ULK4: variants seen among roughly 807,000 people sequenced by gnomAD.
ULK4 encodes inactive serine/threonine-protein kinase ULK4.
A neutral mutation model predicts 160.6 loss-of-function variants in ULK4; 133 were observed. The ratio of observed to expected loss-of-function variants is 0.83; its 90% CI spans 0.72 to 0.96. The LOEUF (loss-of-function observed/expected upper bound fraction) is 0.96, where lower values mean the gene tolerates loss of function less well. Ranked by LOEUF, ULK4 falls within the 40% of genes least tolerant of loss-of-function variation. The pLI is 0.00. For synonymous variants in ULK4, 534 were observed against 539.8 expected (o/e 0.99, Z 0.15); for missense variants, 1,580 against 1,499.5 (o/e 1.05, Z -0.89).
intron 32 of ULK4, among the ~76,000 whole-genome samples, chr3:41,503,334 G>A (rs963563059): frequency 1.3e-5 from 2 of 152,200 alleles, no homozygotes; most frequent in African/African-American, 4.8e-5. Context: ...ATCACTTAAG[G>A]TCTAACTGGT....
chr3:41,288,572 A>C (rs1427128463), intron 35 of ULK4, among the ~76,000 whole-genome samples: 1 of 152,248 alleles, frequency 6.6e-6, no homozygotes, highest in African/African-American at 2.4e-5. Flanking sequence ...CATGAAGATG[A>C]AAATTCAAGA....
At chr3:41,544,912 C>T (rs998166710) in intron 32 of ULK4, among the ~76,000 whole-genome samples, 3 of 152,178 alleles carry the variant, frequency 2.0e-5, no homozygotes, top group East Asian at 3.9e-4. Context: ...GGCTACCATG[C>T]AGGTATGAAA....
intron 17 of ULK4, among the ~76,000 whole-genome samples, chr3:41,862,685 G>A (rs1246077205): frequency 2.0e-5 from 3 of 152,048 alleles, no homozygotes; most frequent in Non-Finnish European, 4.4e-5. Context: ...ATGAGATCTG[G>A]AAGAATTCTC....
chr3:41,441,764 T>G (rs1193774186), intron 34 of ULK4, among the ~76,000 whole-genome samples: 2 of 152,144 alleles, frequency 1.3e-5, no homozygotes, highest in African/African-American at 4.8e-5. Context: ...TTTCATCTCT[T>G]CTATCAATTA....
intron 32 of ULK4, among the ~76,000 whole-genome samples, chr3:41,526,517 A>G (rs764834997): frequency 6.6e-6 from 1 of 152,236 alleles, no homozygotes; most frequent in Non-Finnish European, 1.5e-5. Context: ...GAAATGGTCT[A>G]TCAGCATGGT....
intron 30 of ULK4, among the ~76,000 whole-genome samples, chr3:41,641,832 TA>T (rs200237320): frequency 0.37 from 53,055 of 142,076 alleles, 12,896 homozygotes; most frequent in African/African-American, 0.7. Context: ...AAAATGCAAG[TA>T]AAAAAAAAAA....
At chr3:41,724,623 T>A (rs2037585432) in intron 22 of ULK4, among the ~76,000 whole-genome samples, 1 of 151,918 alleles carries the variant, frequency 6.6e-6, no homozygotes, top group African/African-American at 2.4e-5. Context: ...CTCGGGAGGC[T>A]GAGGCAGGAG....
intron 21 of ULK4, among the ~76,000 whole-genome samples, chr3:41,763,209 A>G (rs1364596707): frequency 6.6e-6 from 1 of 152,216 alleles, no homozygotes; most frequent in African/African-American, 2.4e-5. Context: ...ATAAAAGAAT[A>G]TAAATACCCA....
chr3:41,771,034 G>T (rs965631022), intron 21 of ULK4, among the ~76,000 whole-genome samples: 3 of 152,096 alleles, frequency 2.0e-5, no homozygotes, highest in African/African-American at 7.2e-5. Flanking sequence ...TATTAAGAGA[G>T]AATTAAAACG....
chr3:41,376,361 C>G (rs976741089), intron 35 of ULK4, among the ~76,000 whole-genome samples: 1 of 150,028 alleles, frequency 6.7e-6, no homozygotes, highest in Non-Finnish European at 1.5e-5. Context: ...TAGCAAAGAC[C>G]TGGAACCAAC....
Position 41,872,266 on chromosome 3 carries a change from A to G in ULK4, c.1656+11608T>C, listed in dbSNP as rs1697125630. Among the ~76,000 whole-genome samples, 3 of 152,172 alleles carry G rather than the reference A, an allele frequency of 2.0e-5. No individual in the cohort carries two copies. The South Asian group carries it at 6.2e-4, about 32-fold the overall frequency. On this transcript the variant is annotated intron_variant, in intron 17 of 36. Coordinates refer to ENST00000301831, the MANE Select transcript of ULK4 (RefSeq NM_017886.4). ...TCCCTAGCACTGAGCAACTGCTGGA[A>G]TTTCTGCTCAATGCTTTAACCTCCC...
intron 31 of ULK4, among the ~76,000 whole-genome samples, chr3:41,605,209 AAAC>A (rs1397953184): frequency 6.6e-6 from 1 of 152,060 alleles, no homozygotes; most frequent in Non-Finnish European, 1.5e-5. Context: ...ACATAAAGAA[AAAC>A]AACAGAAGGT....
intron 35 of ULK4, among the ~76,000 whole-genome samples, chr3:41,373,805 G>A (rs2081422362): frequency 6.6e-6 from 1 of 151,992 alleles, no homozygotes; most frequent in Admixed American, 6.6e-5. Flanking sequence ...ACTGAAAAAG[G>A]TAGAGACATG....
At chr3:41,490,028 T>C (rs537129863) in intron 32 of ULK4, among the ~76,000 whole-genome samples, 1 of 152,206 alleles carries the variant, frequency 6.6e-6, no homozygotes, top group African/African-American at 2.4e-5. Context: ...GTGGCAATGC[T>C]ATCTTCACCC....
intron 18 of ULK4, among the ~76,000 whole-genome samples, chr3:41,832,132 G>C (rs112820157): frequency 7.9e-5 from 12 of 151,460 alleles, no homozygotes; most frequent in African/African-American, 2.7e-4. Context: ...CCTCCACAAC[G>C]GTTGAACCAA....
intron 34 of ULK4, among the ~76,000 whole-genome samples, chr3:41,445,464 C>T (rs917281429): frequency 7.9e-5 from 12 of 152,202 alleles, no homozygotes. Context: ...TGCTACCTGA[C>T]TTCAAACTAT....
At chr3:41,862,761 GTCAGTC>G (rs2042530649) in intron 17 of ULK4, among the ~76,000 whole-genome samples, 3 of 140,950 alleles carry the variant, frequency 2.1e-5, no homozygotes, top group African/African-American at 8.9e-5. Context: ...GAGTCAGTCA[GTCAGTC>G]TCTCTCTCTC....
chr3:41,925,826 A>G (rs1245532024), intron 5 of ULK4, among the ~76,000 whole-genome samples: 3 of 151,186 alleles, frequency 2.0e-5, no homozygotes, highest in African/African-American at 4.9e-5. Flanking sequence ...AGCATCTCTG[A>G]AAAAAAAAGG....
At chr3:41,316,819 G>A (rs1298685417) in intron 35 of ULK4, among the ~76,000 whole-genome samples, 2 of 152,144 alleles carry the variant, frequency 1.3e-5, no homozygotes, top group Non-Finnish European at 2.9e-5. Flanking sequence ...GCCTTTTTTA[G>A]TTGGTTCACC....
Sources: gnomAD v4.1 joint callset for allele counts (sites outside exome capture counted in the v4.1 genomes callset) on GRCh38, gnomAD v4.1.1 for gene constraint, MANE v1.5 for transcripts, NCBI Gene and HGNC (gene_info 2026-07-23, HGNC 2026-07-21) for gene names.